Variants in DCAF17 observed in about 807,000 individuals in gnomAD.
DCAF17 encodes DDB1- and CUL4-associated factor 17.
In DCAF17, 48 loss-of-function variants were observed where a neutral mutation model predicts 66.0. That is an observed-to-expected ratio of 0.73 (90% confidence interval 0.58 to 0.92). DCAF17 has a LOEUF of 0.92. Among genes scored for constraint, DCAF17 ranks in the 40% least tolerant of loss-of-function variants. DCAF17 has a pLI of 0.00. For missense variants in DCAF17, 562 were observed against 622.8 expected (o/e 0.90, Z 1.04); for synonymous variants, 206 against 214.6 (o/e 0.96, Z 0.35).
chr2:171,458,231 C>T, intron 7 of DCAF17, 141 bp from the exon 8 acceptor site: 1 of 1,008,298 alleles, frequency 9.9e-7, no homozygotes, highest in South Asian at 1.3e-5. Flanking sequence ...ACCTTTAAAG[C>T]AGGGGTGGGG....
At chr2:171,458,250 C>A in intron 7 of DCAF17, 122 bp from the exon 8 acceptor site, 1 of 1,062,570 alleles carries the variant, frequency 9.4e-7, no homozygotes, top group Non-Finnish European at 1.4e-6. Flanking sequence ...GGAAGATAAA[C>A]AGAAAGGCCA....
intron 6 of DCAF17, among the ~76,000 whole-genome samples, chr2:171,454,435 C>T (rs1183840669): frequency 1.3e-5 from 2 of 151,690 alleles, no homozygotes; most frequent in East Asian, 4.0e-4. Context: ...CAGGCGCCTG[C>T]CACCACACCC....
At chr2:171,437,666 G>A (rs1407266180) in intron 2 of DCAF17, among the ~76,000 whole-genome samples, 1 of 152,100 alleles carries the variant, frequency 6.6e-6, no homozygotes, top group African/African-American at 2.4e-5. Context: ...TGTCTTTCAA[G>A]GAATTCATCT....
At chr2:171,434,803 T>G in intron 1 of DCAF17, 100 bp downstream of exon 1, 1 of 1,387,318 alleles carries the variant, frequency 7.2e-7, no homozygotes, top group Non-Finnish European at 9.3e-7. Context: ...CCTCCCTTTA[T>G]AGGGTCACAT....
intron 12 of DCAF17, 114 bp from the exon 13 acceptor site, chr2:171,479,924 C>G (rs1005709688): frequency 8.5e-7 from 1 of 1,171,726 alleles, no homozygotes; most frequent in Non-Finnish European, 1.2e-6. Context: ...TTCATTCATT[C>G]TTCTCCCATA....
intron 8 of DCAF17, among the ~76,000 whole-genome samples, chr2:171,465,577 G>C (rs1417366715): frequency 1.3e-5 from 2 of 152,054 alleles, no homozygotes; most frequent in Non-Finnish European, 2.9e-5. Flanking sequence ...TCCACTCCTT[G>C]GTTCAACCAA....
rs560982558 is a variant in DCAF17 at position 171,483,607 on chromosome 2, T to C, written c.*2493T>C. ...GCTCTGTTTAGACAAATTAAGGCAC[T>C]TCACATTCTTCCACCAATTGAAAGT... On this transcript the variant is annotated 3_prime_UTR_variant, in exon 14 of 14. Coordinates refer to ENST00000375255, the MANE Select transcript of DCAF17 (RefSeq NM_025000.4). 2 of 454,144 alleles carry C rather than the reference T, an allele frequency of 4.4e-6. No homozygotes were observed. Among genetic ancestry groups the C allele is most frequent in the African/African-American group, 2.0e-5 (1 of 50,144 alleles). The allele number at this position is 454,144 out of a possible 1,614,324, so 28.1% of individuals were successfully genotyped here.
rs191161483 is a variant in DCAF17, at chr2:171,477,883, T to C, written c.1183-104T>C. On this transcript the variant is annotated intron_variant, in intron 11 of 13. Transcript: ENST00000375255. ...TCAGTTGAGGAAAGAATTGTGGATG[T>C]GGGAGAAGGGTTGGTAAGTTTTACC... is the stretch of plus-strand genomic sequence containing the variant. 1.9e-4 allele frequency: 162 copies of C among 857,492 alleles called. No individual in the cohort carries two copies. In the East Asian group the frequency reaches 4.2e-3, roughly 22 times the overall value. 53.1% of individuals were successfully genotyped at this position (857,492 alleles called of 1,614,324 possible). A position where few individuals can be genotyped will look rare whatever the true frequency, so the allele number is the denominator to read the frequency against.
At chr2:171,440,925 G>A (rs552357150) in intron 2 of DCAF17, among the ~76,000 whole-genome samples, 14 of 152,284 alleles carry the variant, frequency 9.2e-5, no homozygotes, top group African/African-American at 3.1e-4. Flanking sequence ...AGGACAGACG[G>A]GTGGCACTTC....
In DCAF17 at chr2:171,434,790, G is replaced by A. The variant is rs1314377376; in HGVS notation, c.126+87G>A. Reference sequence around the variant, plus strand: ...GCGGGGATGCGGTTTTAACGCGCTGGGGCCTCCCTTTATAGGGTCACATGT... The same window carrying A: ...GCGGGGATGCGGTTTTAACGCGCTGAGGCCTCCCTTTATAGGGTCACATGT... On this transcript the variant is annotated intron_variant, in intron 1 of 13. Transcript: ENST00000375255. 1.2e-5 allele frequency: 16 copies of A among 1,389,052 alleles called. No individual in the cohort carries two copies. The South Asian group carries it at 2.6e-4, about 23-fold the overall frequency. 86.0% of individuals were successfully genotyped at this position (1,389,052 alleles called of 1,614,324 possible).
At chr2:171,461,574 A>T (rs1695589065) in intron 8 of DCAF17, among the ~76,000 whole-genome samples, 1 of 152,214 alleles carries the variant, frequency 6.6e-6, no homozygotes, top group Non-Finnish European at 1.5e-5. Context: ...CTTATAATGT[A>T]TATATTTCTA....
At chr2:171,472,381 G>T (rs1696292517) in intron 9 of DCAF17, among the ~76,000 whole-genome samples, 1 of 152,224 alleles carries the variant, frequency 6.6e-6, no homozygotes, top group South Asian at 2.1e-4. Context: ...GTTTCATCTT[G>T]TTGGCCACGC....
At chr2:171,460,134 C>T (rs978194311) in intron 8 of DCAF17, among the ~76,000 whole-genome samples, 17 of 151,750 alleles carry the variant, frequency 1.1e-4, no homozygotes, top group African/African-American at 3.9e-4. Context: ...ACCAGCCTGG[C>T]TAACATGGTG....
intron 3 of DCAF17, among the ~76,000 whole-genome samples, chr2:171,448,337 GA>G (rs1694750857): frequency 6.6e-6 from 1 of 151,832 alleles, no homozygotes; most frequent in Non-Finnish European, 1.5e-5. Flanking sequence ...ATGATTTTAA[GA>G]GCTGTTATTG....
intron 2 of DCAF17, among the ~76,000 whole-genome samples, chr2:171,435,827 T>C (rs1319416095): frequency 6.6e-6 from 1 of 152,250 alleles, no homozygotes; most frequent in African/African-American, 2.4e-5. Context: ...TTATAGGCTT[T>C]ATTAGGATAT....
At chr2:171,442,060 T>C (rs1694335398) in intron 2 of DCAF17, among the ~76,000 whole-genome samples, 2 of 152,250 alleles carry the variant, frequency 1.3e-5, no homozygotes, top group Admixed American at 1.3e-4. Context: ...ATTAGTGTTC[T>C]AATGATTAAA....
rs996853009 is a variant in DCAF17 at position 171,483,148 on chromosome 2, G to A, written c.*2034G>A. The A allele has an allele frequency of 4.4e-6, 2 of 454,002 alleles. No homozygotes were observed. The highest frequency in any genetic ancestry group is 8.8e-6 in the Non-Finnish European group (2 of 226,796). The allele number at this position is 454,002 out of a possible 1,614,324, so 28.1% of individuals were successfully genotyped here. A position where few individuals can be genotyped will look rare whatever the true frequency, so the allele number is the denominator to read the frequency against. On this transcript the variant is annotated 3_prime_UTR_variant, in exon 14 of 14. Coordinates refer to ENST00000375255, the MANE Select transcript of DCAF17 (RefSeq NM_025000.4). ...GGGGAATTTGGATACCACACATAGCGAGAGACAATGAAGCATGCTTCCCAG... is the reference window on the plus strand; with the variant it reads ...GGGGAATTTGGATACCACACATAGCAAGAGACAATGAAGCATGCTTCCCAG...
chr2:171,449,490 ATT>A (rs1694825034), intron 4 of DCAF17, among the ~76,000 whole-genome samples: 2 of 152,210 alleles, frequency 1.3e-5, no homozygotes, highest in African/African-American at 4.8e-5. Context: ...AAGAACTGTT[ATT>A]TTAACTATTA....
Position 171,476,949 on chromosome 2 carries a change from AAGTAAGTCAAG to A in DCAF17, c.1182+4_1182+14del. 1 of 1,605,994 alleles carries A rather than the reference AAGTAAGTCAAG, an allele frequency of 6.2e-7. No homozygotes were observed. The highest frequency in any genetic ancestry group is 8.5e-7 in the Non-Finnish European group (1 of 1,172,872). On this transcript the variant is annotated splice_donor_variant and splice_donor_5th_base_variant and coding_sequence_variant and intron_variant, in exon 11 of 14. Coordinates refer to ENST00000375255, the MANE Select transcript of DCAF17 (RefSeq NM_025000.4). LOFTEE classifies it high-confidence loss of function. The stretch of plus-strand genomic sequence containing the variant: ...ATTTTGGCCAACAGGGAGAACCATA[AAGTAAGTCAAG>A]AGTACTTTAAAATCCTTTATATATC...
Sources: allele counts gnomAD v4.1 joint callset (sites outside exome capture counted in the v4.1 genomes callset), GRCh38; gene constraint gnomAD v4.1.1; transcripts MANE v1.5; gene names NCBI Gene and HGNC (gene_info 2026-07-23, HGNC 2026-07-21).